Variants in KIF19 observed in about 807,000 individuals in gnomAD.
KIF19 encodes kinesin family member 19, also known as kinesin-like protein KIF19.
A neutral mutation model predicts 106.6 loss-of-function variants in KIF19; 98 were observed. That is an observed-to-expected ratio of 0.92 (90% confidence interval 0.78 to 1.09). The LOEUF (loss-of-function observed/expected upper bound fraction) is 1.09, where lower values mean the gene tolerates loss of function less well. KIF19 is among the 50% of genes least tolerant of loss of function. The pLI is 0.00. For missense variants in KIF19, 1,373 were observed against 1,414.3 expected (o/e 0.97, Z 0.47); for synonymous variants, 516 against 584.2 (o/e 0.88, Z 1.68).
chr17:74,336,971 G>A (rs140619042), intron 2 of KIF19, among the ~76,000 whole-genome samples: 4,280 of 152,182 alleles, frequency 0.028, 149 homozygotes, highest in African/African-American at 0.078. Flanking sequence ...GACTACAGGC[G>A]CGTGCCACCA....
At chr17:74,353,359 G>C (rs888994475) in intron 16 of KIF19, 58 bp downstream of exon 16, 6 of 1,481,234 alleles carry the variant, frequency 4.1e-6, no homozygotes, top group Non-Finnish European at 4.6e-6. Context: ...GCGGGACATG[G>C]GGGTGGACAG....
In KIF19 at chr17:74,352,918, T is replaced by C; in HGVS notation, c.2078T>C (p.Leu693Pro). Reference sequence around the variant, plus strand: ...ACATTGAGCTCTGATGCCCAGCACCTGCAGAACAGCGCCCTCCCTCCCCTC... The same window carrying C: ...ACATTGAGCTCTGATGCCCAGCACCCGCAGAACAGCGCCCTCCCTCCCCTC... Reference protein sequence around the residue: ...VKTLSSDAQHLQNSALPPLST... With the variant: ...VKTLSSDAQHPQNSALPPLST... Residue 693 changes from leucine (L) to proline (P), a missense_variant, in exon 15 of 20, where the codon CTG becomes CCG. Coordinates refer to ENST00000389916, the MANE Select transcript of KIF19 (RefSeq NM_153209.4). 4 of 1,613,904 alleles carry C rather than the reference T, an allele frequency of 2.5e-6. No homozygotes were observed. Among genetic ancestry groups the C allele is most frequent in the Non-Finnish European group, 2.5e-6 (3 of 1,179,860 alleles).
chr17:74,342,933 TGAG>T (rs1185633352), intron 4 of KIF19, 88 bp from the exon 5 acceptor site: 2 of 1,447,568 alleles, frequency 1.4e-6, no homozygotes, highest in Non-Finnish European at 1.8e-6. Flanking sequence ...GGCCCAGCCT[TGAG>T]GACAAACCCC....
intron 6 of KIF19, 53 bp from the exon 7 acceptor site, chr17:74,344,708 G>C (rs1193079301): frequency 6.5e-7 from 1 of 1,550,282 alleles, no homozygotes; most frequent in African/African-American, 1.4e-5. Context: ...GCTCCTCTCT[G>C]CCGGAGCACC....
Position 74,334,354 on chromosome 17 carries a change from G to A in KIF19, c.120+5849G>A, listed in dbSNP as rs145856498. Among the ~76,000 whole-genome samples the A allele has an allele frequency of 2.4e-3, 360 of 152,276 alleles. 1 individual carries two copies. The highest frequency in any genetic ancestry group is 3.2e-3 in the Non-Finnish European group (221 of 68,026). ...ATTTCCCCACAGATTCTGACTGTGC[G>A]CGTGTGGGAAGTGCCTGAGAATCTG... On this transcript the variant is annotated intron_variant, in intron 2 of 19. Coordinates refer to ENST00000389916, the MANE Select transcript of KIF19 (RefSeq NM_153209.4).
At chr17:74,351,731 C>T (rs1452988944) in intron 12 of KIF19, 136 bp from the exon 13 acceptor site, 5 of 1,020,006 alleles carry the variant, frequency 4.9e-6, no homozygotes, top group Non-Finnish European at 6.6e-6. Flanking sequence ...GCCCAAGATT[C>T]AGCTTTTAGG....
chr17:74,350,670 C>T, intron 11 of KIF19, 37 bp from the exon 12 acceptor site: 1 of 1,612,238 alleles, frequency 6.2e-7, no homozygotes, highest in Non-Finnish European at 8.5e-7. Flanking sequence ...GCCCCCATGG[C>T]CTGAATGCCC....
chr17:74,342,681 G>T lies in KIF19; in HGVS notation c.283G>T (p.Gly95Cys), dbSNP rs147978023. 2.5e-6 allele frequency: 4 copies of T among 1,613,638 alleles called. No individual in the cohort carries two copies. Among genetic ancestry groups the T allele is most frequent in the Non-Finnish European group, 3.4e-6 (4 of 1,179,868 alleles). ...GAGCCTCATCGAGGGCGTCATCTCA[G>T]GCTACAATGCCACTGTCTTTGCCTA... is the stretch of plus-strand genomic sequence containing the variant. ...TKSLIEGVISGYNATVFAYGP... is the reference protein window; with the variant it reads ...TKSLIEGVISCYNATVFAYGP... The change falls in exon 4 of 20, where the codon GGC (glycine) becomes TGC (cysteine). Residue 95 changes from glycine to cysteine, a missense_variant. Transcript: ENST00000389916.
intron 1 of KIF19, 63 bp downstream of exon 1, chr17:74,326,451 C>T: frequency 1.3e-6 from 2 of 1,515,286 alleles, no homozygotes; most frequent in Non-Finnish European, 1.8e-6. Context: ...CGGCCTCCAG[C>T]GACAGAGTCC....
rs1173443717 is a variant in KIF19, at chr17:74,349,681, C to G, written c.1213+332C>G. ...AGGGCTGCGAGGTCATGCCTGCACC[C>G]CCGGAATGGGCTCCGTTTCCTTGTA... On this transcript the variant is annotated intron_variant, in intron 10 of 19. Transcript: ENST00000389916. Among the ~76,000 whole-genome samples, 6 of 152,230 alleles carry G rather than the reference C, an allele frequency of 3.9e-5. No homozygotes were observed. In the East Asian group the frequency reaches 1.2e-3, roughly 29 times the overall value.
In KIF19 at chr17:74,354,791, C is replaced by A; in HGVS notation, c.2716C>A (p.Pro906Thr). Residue 906 changes from proline (P) to threonine (T), a missense_variant, in exon 19 of 20, where the codon CCC (proline) becomes ACC (threonine). This residue lies in a region of KIF19 where 1,020 missense variants were observed against 1,008.2 expected (regional missense o/e 1.01). Coordinates refer to ENST00000389916, the MANE Select transcript of KIF19 (RefSeq NM_153209.4). ...FEVTGQGLSHPKTHLLGPHQA... is the reference protein window; with the variant it reads ...FEVTGQGLSHTKTHLLGPHQA... ...TGTTCAACCATCACAGCTCTCCCAC[C>A]CCAAGACACACCTCCTGGGGCCCCA... The A allele has an allele frequency of 6.4e-7, 1 of 1,557,638 alleles. No individual in the cohort carries two copies. The highest frequency in any genetic ancestry group is 8.7e-7 in the Non-Finnish European group (1 of 1,150,570).
rs778767760 is a variant in KIF19, at chr17:74,326,345, C to T, written c.-5C>T. The T allele has an allele frequency of 1.2e-6, 2 of 1,611,286 alleles. No individual in the cohort carries two copies. The highest frequency in any genetic ancestry group is 3.4e-5 in the Admixed American group (2 of 59,688). On this transcript the variant is annotated 5_prime_UTR_variant, in exon 1 of 20. Transcript: ENST00000389916. ...GCGGCCTGAGCCCCTCCACCTGCTG[C>T]AATCATGAAGGACAGCGGGGACTCC...
At position 74,354,365 on chromosome 17, in the gene KIF19, C is replaced by T. The variant is rs778175523; in HGVS notation, c.2512C>T (p.Gln838Ter). The T allele has an allele frequency of 9.6e-5, 155 of 1,607,954 alleles. No homozygotes were observed. Among genetic ancestry groups the T allele is most frequent in the Non-Finnish European group, 1.2e-4 (143 of 1,178,008 alleles). ...CAAGCGGCCGCCCAGCCCCACACTACAGCATGCTGCCAGTGAGGACAACCT... is the reference window on the plus strand; with the variant it reads ...CAAGCGGCCGCCCAGCCCCACACTATAGCATGCTGCCAGTGAGGACAACCT... ...ACKRPPSPTL[Q>*]HAASEDNLSS... Residue 838 changes from glutamine (Q) to a stop codon, truncating the protein, a stop_gained, in exon 18 of 20, where the codon CAG (glutamine) becomes TAG (stop). Coordinates refer to ENST00000389916, the MANE Select transcript of KIF19 (RefSeq NM_153209.4). LOFTEE classifies it high-confidence loss of function.
At chr17:74,330,765 C>A (rs757130584) in intron 2 of KIF19, among the ~76,000 whole-genome samples, 1 of 152,240 alleles carries the variant, frequency 6.6e-6, no homozygotes, top group Non-Finnish European at 1.5e-5. Context: ...TACGCCTCCA[C>A]TGCCTCCACC....
intron 2 of KIF19, among the ~76,000 whole-genome samples, chr17:74,340,167 A>G (rs1460510559): frequency 6.6e-6 from 1 of 152,140 alleles, no homozygotes; most frequent in Non-Finnish European, 1.5e-5. Flanking sequence ...CCGACCACCA[A>G]TAAGAGGTCA....
At chr17:74,329,589 G>A (rs1419523255) in intron 2 of KIF19, 1 of 122,666 alleles carries the variant, frequency 8.2e-6, no homozygotes, top group Non-Finnish European at 1.9e-5. Context: ...GGCCTGTGGT[G>A]AGAGGGACTG....
rs750350604 is a variant in KIF19, at chr17:74,352,348, G to A, written c.1980+8G>A. The A allele has an allele frequency of 1.5e-5, 24 of 1,601,014 alleles. No individual in the cohort carries two copies. The Admixed American group carries it at 3.3e-4, about 22-fold the overall frequency. ...GCCTCCAGGGCCCTGCAGGTGGGTGGGCGCCTGGGCGGCCTGAACATGGGC... is the reference window on the plus strand; with the variant it reads ...GCCTCCAGGGCCCTGCAGGTGGGTGAGCGCCTGGGCGGCCTGAACATGGGC... On this transcript the variant is annotated splice_region_variant and intron_variant, in intron 14 of 19. Coordinates refer to ENST00000389916, the MANE Select transcript of KIF19 (RefSeq NM_153209.4).
chr17:74,347,465 AG>A (rs1446790502), intron 8 of KIF19, among the ~76,000 whole-genome samples: 13 of 149,674 alleles, frequency 8.7e-5, no homozygotes, highest in Non-Finnish European at 1.5e-4. Flanking sequence ...TGGACCTGGG[AG>A]GTGGAGGTTG....
rs1164317305 is a variant in KIF19 at position 74,353,594 on chromosome 17, T to C, written c.2308+13T>C. On this transcript the variant is annotated intron_variant, in intron 17 of 19. Coordinates refer to ENST00000389916, the MANE Select transcript of KIF19 (RefSeq NM_153209.4). ...TTGTCCCACAAAGGTATGTGTGCCC[T>C]CTGCTGCCCGGCCACCTCACCTGGC... 9.3e-6 allele frequency: 15 copies of C among 1,606,558 alleles called. No individual in the cohort carries two copies. The highest frequency in any genetic ancestry group is 1.2e-5 in the Non-Finnish European group (14 of 1,173,564).
Sources: allele counts gnomAD v4.1 joint callset (sites outside exome capture counted in the v4.1 genomes callset), GRCh38; gene constraint gnomAD v4.1.1; regional missense constraint gnomAD v4.1.1; transcripts MANE v1.5; gene names NCBI Gene and HGNC (gene_info 2026-07-23, HGNC 2026-07-21).